Variants in NRXN1 observed in about 807,000 individuals in gnomAD.
NRXN1 encodes neurexin 1.
In NRXN1, 39 loss-of-function variants were observed where a neutral mutation model predicts 150.9. The ratio of observed to expected loss-of-function variants is 0.26; its 90% CI spans 0.20 to 0.34. The LOEUF (loss-of-function observed/expected upper bound fraction) is 0.34. NRXN1 is among the 10% of genes least tolerant of loss of function. The pLI is 1.00. For missense variants in NRXN1, 1,815 were observed against 1,949.9 expected (o/e 0.93, Z 1.30); for synonymous variants, 924 against 757.0 (o/e 1.22, Z -3.62).
At chr2:50,024,314 C>T (rs578062035) in intron 21 of NRXN1, among the ~76,000 whole-genome samples, 30 of 152,280 alleles carry the variant, frequency 2.0e-4, no homozygotes, top group Non-Finnish European at 3.1e-4. Context: ...ACAAAAAGGA[C>T]AGGTTTTTGC....
chr2:50,791,378 A>G (rs2105604595), intron 5 of NRXN1, among the ~76,000 whole-genome samples: 1 of 151,806 alleles, frequency 6.6e-6, no homozygotes, highest in South Asian at 2.1e-4. Context: ...TTCTCCATAC[A>G]GGAGATATGT....
intron 17 of NRXN1, among the ~76,000 whole-genome samples, chr2:50,425,491 T>C (rs1413055991): frequency 6.6e-6 from 1 of 152,186 alleles, no homozygotes; most frequent in East Asian, 1.9e-4. Flanking sequence ...TATTTTTATT[T>C]CTGAAAAGCT....
intron 15 of NRXN1, among the ~76,000 whole-genome samples, chr2:50,487,692 G>C (rs762545209): frequency 1.3e-5 from 2 of 152,142 alleles, no homozygotes; most frequent in African/African-American, 4.8e-5. Context: ...TTCTGGCGGG[G>C]ACTGTGTTAT....
chr2:50,484,488 G>T (rs2090722065), intron 15 of NRXN1, among the ~76,000 whole-genome samples: 1 of 152,070 alleles, frequency 6.6e-6, no homozygotes, highest in Admixed American at 6.6e-5. Flanking sequence ...TTTCCTAAAG[G>T]CTAAGGAAAT....
intron 5 of NRXN1, among the ~76,000 whole-genome samples, chr2:50,772,513 A>C (rs1258187073): frequency 2.0e-5 from 3 of 152,086 alleles, no homozygotes; most frequent in Non-Finnish European, 4.4e-5. Flanking sequence ...TTTACAAAAA[A>C]AAAATTGTAC....
chr2:50,629,437 G>A (rs959641905), intron 5 of NRXN1, among the ~76,000 whole-genome samples: 1 of 151,742 alleles, frequency 6.6e-6, no homozygotes, highest in East Asian at 1.9e-4. Context: ...CTCTGTTGTT[G>A]TAAATCAAGA....
chr2:50,327,257 A>T (rs2076445808), intron 17 of NRXN1, among the ~76,000 whole-genome samples: 1 of 152,222 alleles, frequency 6.6e-6, no homozygotes, highest in African/African-American at 2.4e-5. Flanking sequence ...AATTTCAAAA[A>T]TATGATGATC....
intron 17 of NRXN1, among the ~76,000 whole-genome samples, chr2:50,390,293 C>T (rs1428888716): frequency 2.0e-5 from 3 of 152,094 alleles, no homozygotes; most frequent in Non-Finnish European, 4.4e-5. Flanking sequence ...CTAACTTCTC[C>T]TCCTGCCCTT....
Position 50,472,354 on chromosome 2 carries a change from G to A in NRXN1, c.3188C>T (p.Pro1063Leu), listed in dbSNP as rs528400811. 2 of 1,611,786 alleles carry A rather than the reference G, an allele frequency of 1.2e-6. No homozygotes were observed. The highest frequency in any genetic ancestry group is 2.2e-5 in the South Asian group (2 of 90,946). Reference protein sequence around the residue: ...LASVDLNGRLPDLISDALFCN... With the variant: ...LASVDLNGRLLDLISDALFCN... The stretch of plus-strand genomic sequence containing the variant: ...GAAAAGAGCATCGGAGATGAGGTCC[G>A]GAAGCCGTCCATTTAAATCAACTGA... Residue 1063 changes from proline (P) to leucine (L), a missense_variant, in exon 16 of 23, where the codon CCG becomes CTG. Around this residue, in one of 6 missense-constraint regions of NRXN1, gnomAD observed 339 missense variants for 440.3 expected, o/e 0.77. Coordinates refer to ENST00000401669, the MANE Select transcript of NRXN1 (RefSeq NM_001330078.2).
chr2:50,108,272 T>G (rs1701937729), intron 18 of NRXN1, among the ~76,000 whole-genome samples: 1 of 152,150 alleles, frequency 6.6e-6, no homozygotes, highest in African/African-American at 2.4e-5. Flanking sequence ...TTGACCAATG[T>G]ATATTTTAAT....
intron 21 of NRXN1, among the ~76,000 whole-genome samples, chr2:49,986,162 G>A (rs1260196379): frequency 6.6e-6 from 1 of 152,186 alleles, no homozygotes; most frequent in African/African-American, 2.4e-5. Context: ...GGGCACATAT[G>A]TTACATAAAT....
At chr2:49,932,794 A>G (rs1008504189) in intron 22 of NRXN1, among the ~76,000 whole-genome samples, 21 of 152,310 alleles carry the variant, frequency 1.4e-4, no homozygotes, top group African/African-American at 5.1e-4. Context: ...GCTGTGCTAT[A>G]CATTTTACAC....
chr2:50,851,821 C>T (rs958801784), intron 5 of NRXN1, among the ~76,000 whole-genome samples: 2 of 152,032 alleles, frequency 1.3e-5, no homozygotes, highest in African/African-American at 2.4e-5. Flanking sequence ...CTCGAAAGGA[C>T]CCTTAAATTC....
intron 17 of NRXN1, among the ~76,000 whole-genome samples, chr2:50,298,934 A>G (rs2073893774): frequency 6.6e-6 from 1 of 152,164 alleles, no homozygotes; most frequent in Admixed American, 6.6e-5. Flanking sequence ...CTCTGCGGAT[A>G]GCCTGTCCAC....
intron 2 of NRXN1, among the ~76,000 whole-genome samples, chr2:50,975,216 T>G (rs1176125628): frequency 1.3e-5 from 2 of 152,298 alleles, no homozygotes; most frequent in South Asian, 2.1e-4. Flanking sequence ...TTAAATAATT[T>G]TCTCAACTTT....
intron 21 of NRXN1, among the ~76,000 whole-genome samples, chr2:50,001,918 C>A (rs62134655): frequency 0.47 from 71,654 of 151,660 alleles, 17,472 homozygotes; most frequent in Middle Eastern, 0.6. Context: ...GAAAGGAGTG[C>A]CAGACTCTCC....
chr2:50,581,264 T>C (rs1672221090), intron 8 of NRXN1, among the ~76,000 whole-genome samples: 1 of 152,204 alleles, frequency 6.6e-6, no homozygotes, highest in East Asian at 1.9e-4. Context: ...CTAGTGAAAA[T>C]ATCCTTTCTT....
At chr2:49,949,384 G>A (rs890995683) in intron 21 of NRXN1, among the ~76,000 whole-genome samples, 6 of 151,698 alleles carry the variant, frequency 4.0e-5, no homozygotes, top group Non-Finnish European at 2.9e-5. Context: ...ATATCTGTGT[G>A]GTAAAAATAT....
intron 21 of NRXN1, among the ~76,000 whole-genome samples, chr2:50,027,194 T>A (rs1573488011): frequency 1.3e-5 from 2 of 152,204 alleles, no homozygotes; most frequent in South Asian, 4.2e-4. Flanking sequence ...GTTTACTTTT[T>A]TCATTGACTC....
Sources: gnomAD v4.1 joint callset for allele counts (sites outside exome capture counted in the v4.1 genomes callset) on GRCh38, gnomAD v4.1.1 for gene constraint, gnomAD v4.1.1 regional missense constraint, MANE v1.5 for transcripts, NCBI Gene and HGNC (gene_info 2026-07-23, HGNC 2026-07-21) for gene names.